Variants in TUBA4B observed in about 807,000 individuals in gnomAD.
TUBA4B encodes the protein tubulin-like protein alpha-4B.
TUBA4B carries 13 observed loss-of-function variants against 18.4 expected under a neutral mutation model. The ratio of observed to expected loss-of-function variants is 0.71; its 90% CI spans 0.46 to 1.12. The LOEUF (loss-of-function observed/expected upper bound fraction) is 1.12. Ranked by LOEUF, TUBA4B falls within the 50% of genes most tolerant of loss-of-function variation. The pLI is 0.00. For missense variants in TUBA4B, 244 were observed against 250.0 expected, an observed-to-expected ratio of 0.98 and a Z score of 0.16; for synonymous variants, 101 against 99.1, an observed-to-expected ratio of 1.02 and a Z score of -0.11.
chr2:219,262,839 G>A (rs1309260540), intron 1 of TUBA4B, among the ~76,000 whole-genome samples: 2 of 152,076 alleles, frequency 1.3e-5, no homozygotes, highest in African/African-American at 2.4e-5. Context: ...TCAGGAGTTC[G>A]AGACCAGCCT....
Position 219,270,315 on chromosome 2 carries a change from C to T in TUBA4B, c.172C>T (p.Leu58=), listed in dbSNP as rs552416187. The change falls in exon 3 of 4, where the codon CTG becomes TTG. Residue 58 remains leucine, a synonymous_variant. Transcript: ENST00000490341. Reference sequence around the variant, plus strand: ...TGGGAAGGAGTTCATCGACCTGCTACTGGACCGGATTCGGAAGCTGGTGAG... The same window carrying T: ...TGGGAAGGAGTTCATCGACCTGCTATTGGACCGGATTCGGAAGCTGGTGAG... The part of the protein sequence containing the change: ...TIGKEFIDLL[L]DRIRKLADQC... 4.0e-6 allele frequency: 3 copies of T among 745,994 alleles called. No homozygotes were observed. Among genetic ancestry groups the T allele is most frequent in the Non-Finnish European group, 7.4e-6 (3 of 403,958 alleles). The allele number at this position is 745,994 out of a possible 1,614,324, so 46.2% of individuals were successfully genotyped here.
intron 1 of TUBA4B, among the ~76,000 whole-genome samples, chr2:219,265,164 A>C (rs1951782686): frequency 6.6e-6 from 1 of 152,212 alleles, no homozygotes; most frequent in Non-Finnish European, 1.5e-5. Flanking sequence ...AAAGAGGGGA[A>C]GCAGAGCCCG....
Position 219,271,568 on chromosome 2 carries a change from G to C in TUBA4B, c.595G>C (p.Val199Leu), listed in dbSNP as rs754363495. 6.2e-7 allele frequency: 1 copy of C among 1,614,056 alleles called. No individual in the cohort carries two copies. Among genetic ancestry groups the C allele is most frequent in the Admixed American group, 1.7e-5 (1 of 59,998 alleles). The change falls in exon 4 of 4, where the codon GTG (valine) becomes CTG (leucine). Residue 199 changes from valine to leucine, a missense_variant. Transcript: ENST00000490341. ...VDLTEFQTNL[V>L]SYLTSTSPWP... ...CCTGACAGAGTTCCAGACCAACCTG[G>C]TGTCCTACCTCACATCCACTTCCCC...
At chr2:219,253,452 G>T (rs1337733728) in intron 1 of TUBA4B, 33 bp downstream of exon 1, 4 of 1,463,262 alleles carry the variant, frequency 2.7e-6, no homozygotes, top group African/African-American at 1.4e-5. Context: ...CTAGCGCCAA[G>T]CACGTGCTCG....
chr2:219,272,129 A>AG lies in TUBA4B; in HGVS notation c.*436dup, dbSNP rs1254218562. 1.3e-4 allele frequency: 91 copies of AG among 682,500 alleles called. No individual in the cohort carries two copies. Among genetic ancestry groups the AG allele is most frequent in the Non-Finnish European group, 2.0e-4 (81 of 395,718 alleles). The allele number at this position is 682,500 out of a possible 1,614,324, so 42.3% of individuals were successfully genotyped here. A position where few individuals can be genotyped will look rare whatever the true frequency, so the allele number is the denominator to read the frequency against. On this transcript the variant is annotated 3_prime_UTR_variant, in exon 4 of 4. Transcript: ENST00000490341. ...GTGTGGAGTGGGGGGAAGAAAAGAT[A>AG]GGGGGGATGAATACTAGGGGAATAC...
intron 1 of TUBA4B, among the ~76,000 whole-genome samples, chr2:219,262,458 G>A (rs1438646015): frequency 6.6e-6 from 1 of 152,132 alleles, no homozygotes; most frequent in Admixed American, 6.6e-5. Flanking sequence ...ATTGCTATCT[G>A]GAATGTTCTT....
chr2:219,270,456 G>A lies in TUBA4B; in HGVS notation c.192+121G>A. ...CTCTGGGAGAAACACACAGGATCAGGACCAATGAGGAGAGGCCCTGCACTC... is the reference window on the plus strand; with the variant it reads ...CTCTGGGAGAAACACACAGGATCAGAACCAATGAGGAGAGGCCCTGCACTC... On this transcript the variant is annotated intron_variant, in intron 3 of 3. Coordinates refer to ENST00000490341, the MANE Select transcript of TUBA4B (RefSeq NM_001355221.1). 6.2e-6 allele frequency: 4 copies of A among 641,928 alleles called. No individual in the cohort carries two copies. The Admixed American group carries it at 9.1e-5, about 15-fold the overall frequency. 39.8% of individuals were successfully genotyped at this position (641,928 alleles called of 1,614,324 possible).
Position 219,253,355 on chromosome 2 carries a change from G to GGA in TUBA4B, c.-52_-51insAG. 42 of 665,446 alleles carry GGA rather than the reference G, an allele frequency of 6.3e-5. No homozygotes were observed. Among genetic ancestry groups the GGA allele is most frequent in the Non-Finnish European group, 8.1e-5 (40 of 495,290 alleles). The allele number at this position is 665,446 out of a possible 1,614,324, so 41.2% of individuals were successfully genotyped here. On this transcript the variant is annotated 5_prime_UTR_variant, in exon 1 of 4. Coordinates refer to ENST00000490341, the MANE Select transcript of TUBA4B (RefSeq NM_001355221.1). The stretch of plus-strand genomic sequence containing the variant: ...GCTCAGACGCGGGGTGCTGAGTCAC[G>GGA]GGGGGGGGGTGGTTCTGTGGATAGT...
chr2:219,253,839 G>A (rs1158468363), intron 1 of TUBA4B: 2 of 1,513,030 alleles, frequency 1.3e-6, no homozygotes, highest in Non-Finnish European at 8.8e-7. Context: ...GCGCGACCCC[G>A]GCCGGGCCGC....
chr2:219,256,208 G>C (rs192368910), intron 1 of TUBA4B, among the ~76,000 whole-genome samples: 1 of 152,154 alleles, frequency 6.6e-6, no homozygotes, highest in Non-Finnish European at 1.5e-5. Context: ...TTGTAAAACC[G>C]GGATAACAAC....
intron 2 of TUBA4B, among the ~76,000 whole-genome samples, chr2:219,269,193 G>C (rs1951809907): frequency 6.6e-6 from 1 of 152,044 alleles, no homozygotes; most frequent in African/African-American, 2.4e-5. Context: ...TCCCCTGCCA[G>C]AGAGCACCAT....
chr2:219,258,481 T>C (rs572258844), intron 1 of TUBA4B, among the ~76,000 whole-genome samples: 2 of 150,360 alleles, frequency 1.3e-5, no homozygotes, highest in African/African-American at 4.9e-5. Flanking sequence ...CCACCACGCC[T>C]GGCTAGTTTT....
chr2:219,271,938 A>C lies in TUBA4B; in HGVS notation c.*239A>C. On this transcript the variant is annotated 3_prime_UTR_variant, in exon 4 of 4. Transcript: ENST00000490341. ...GTGCATGCTGAGCAACATGACAGCC[A>C]TCACTATGGCCTGGGCCCGCCTGGA... The C allele has an allele frequency of 3.4e-6, 5 of 1,489,860 alleles. No individual in the cohort carries two copies. Among genetic ancestry groups the C allele is most frequent in the Non-Finnish European group, 4.7e-6 (5 of 1,067,248 alleles). 92.3% of individuals were successfully genotyped at this position (1,489,860 alleles called of 1,614,324 possible).
At chr2:219,253,727 G>A (rs995366829) in intron 1 of TUBA4B, 1 of 1,145,876 alleles carries the variant, frequency 8.7e-7, no homozygotes, top group African/African-American at 1.5e-5. Context: ...GAGGGAGGAT[G>A]CAAAACCCTC....
chr2:219,262,049 C>T (rs992236271), intron 1 of TUBA4B, among the ~76,000 whole-genome samples: 10 of 152,224 alleles, frequency 6.6e-5, no homozygotes, highest in South Asian at 2.1e-4. Context: ...TAGTGGCTCA[C>T]GCCTGTAATC....
chr2:219,269,665 G>GCC (rs1177317947), intron 2 of TUBA4B, among the ~76,000 whole-genome samples: 5 of 152,208 alleles, frequency 3.3e-5, no homozygotes, highest in African/African-American at 9.7e-5. Flanking sequence ...AGGCCGGTGT[G>GCC]CAGTTGGCAA....
rs147771622 is a variant in TUBA4B at position 219,255,064 on chromosome 2, CTT to C, written c.12+1648_12+1649del. Among the ~76,000 whole-genome samples, 799 of 152,066 alleles carry C rather than the reference CTT, an allele frequency of 5.3e-3. 10 individuals carry two copies. The highest frequency in any genetic ancestry group is 0.018 in the African/African-American group (749 of 41,450). The stretch of plus-strand genomic sequence containing the variant: ...TTTCTCTTTCTCTCTCTCTCTCTCT[CTT>C]TTGAGTCAGTGTCTTGCTGTGTCAC... On this transcript the variant is annotated intron_variant, in intron 1 of 3. Transcript: ENST00000490341.
intron 1 of TUBA4B, among the ~76,000 whole-genome samples, chr2:219,256,763 G>A (rs374927445): frequency 1.8e-3 from 276 of 152,198 alleles, no homozygotes; most frequent in African/African-American, 6.4e-3. Flanking sequence ...TGAGGTGGGA[G>A]GATCACTTGA....
At chr2:219,259,938 C>T (rs999374926) in intron 1 of TUBA4B, among the ~76,000 whole-genome samples, 8 of 152,310 alleles carry the variant, frequency 5.3e-5, no homozygotes, top group Middle Eastern at 3.4e-3. Context: ...TCACATGCTC[C>T]GCTGAGATGC....
Sources: allele counts gnomAD v4.1 joint callset (sites outside exome capture counted in the v4.1 genomes callset), GRCh38; gene constraint gnomAD v4.1.1; transcripts MANE v1.5; gene names NCBI Gene and HGNC (gene_info 2026-07-23, HGNC 2026-07-21).